The following CUBN variants were observed in gnomAD, a reference collection of about 807,000 sequenced individuals.
CUBN encodes cubilin.
A neutral mutation model predicts 405.3 loss-of-function variants in CUBN; 282 were observed. The observed-to-expected ratio is 0.70, with a 90% CI of 0.63 to 0.77. The LOEUF (loss-of-function observed/expected upper bound fraction) is 0.77. CUBN is among the 30% of genes least tolerant of loss of function. CUBN has a pLI of 0.00. For synonymous variants in CUBN, 1,684 were observed against 1,617.0 expected (o/e 1.04, Z -0.99); for missense variants, 4,514 against 4,475.2 (o/e 1.01, Z -0.25).
At chr10:16,862,354 C>A (rs1840045479) in intron 59 of CUBN, among the ~76,000 whole-genome samples, 1 of 152,104 alleles carries the variant, frequency 6.6e-6, no homozygotes, top group South Asian at 2.1e-4. Flanking sequence ...TTAAATTTTT[C>A]TTTCTTCCTT....
intron 19 of CUBN, among the ~76,000 whole-genome samples, chr10:17,070,458 T>C (rs758414409): frequency 2.4e-4 from 36 of 152,156 alleles, no homozygotes; most frequent in Non-Finnish European, 3.8e-4. Flanking sequence ...CTTTAGGGAG[T>C]ATTGCCATCT....
At chr10:16,844,008 T>C (rs111632634) in intron 60 of CUBN, among the ~76,000 whole-genome samples, 7,469 of 151,992 alleles carry the variant, frequency 0.049, 624 homozygotes, top group African/African-American at 0.17. Context: ...GGTGGCTCAT[T>C]CCTGTAATCC....
chr10:16,846,897 C>T (rs1038033396), intron 60 of CUBN, among the ~76,000 whole-genome samples: 9 of 151,934 alleles, frequency 5.9e-5, no homozygotes, highest in Non-Finnish European at 1.2e-4. Flanking sequence ...GGATGAGGAC[C>T]TCTCTCTGCT....
At chr10:16,933,306 C>A in intron 39 of CUBN, 22 bp from the exon 40 acceptor site, 2 of 1,608,932 alleles carry the variant, frequency 1.2e-6, no homozygotes, top group South Asian at 2.2e-5. Context: ...AAAGCAACAT[C>A]TTTGACACAG....
intron 28 of CUBN, among the ~76,000 whole-genome samples, chr10:17,008,235 T>TG (rs1483433549): frequency 5.0e-5 from 5 of 99,434 alleles, no homozygotes; most frequent in Non-Finnish European, 8.3e-5. Flanking sequence ...CCTGCCCGTG[T>TG]GTGGTGTGTG....
rs1838725048 is a variant in CUBN at position 16,824,796 on chromosome 10, AG to A, written c.*178del. On this transcript the variant is annotated 3_prime_UTR_variant, in exon 67 of 67. Coordinates refer to ENST00000377833, the MANE Select transcript of CUBN (RefSeq NM_001081.4). ...CGGCCTCCCAAAGTGCTGAGAATAC[AG>A]GGGGGTGAGCCACCACGCCTGGCCT... The A allele has an allele frequency of 1.3e-5, 8 of 610,306 alleles. No individual in the cohort carries two copies. Among genetic ancestry groups the A allele is most frequent in the African/African-American group, 5.4e-5 (3 of 55,058 alleles). The allele number at this position is 610,306 out of a possible 1,614,324, so 37.8% of individuals were successfully genotyped here.
intron 17 of CUBN, among the ~76,000 whole-genome samples, chr10:17,075,734 C>T (rs1484479583): frequency 6.6e-6 from 1 of 152,168 alleles, no homozygotes; most frequent in Non-Finnish European, 1.5e-5. Context: ...TAGTTCCTTT[C>T]TCTGAGCTCT....
chr10:16,942,338 T>C (rs758273563), intron 36 of CUBN, among the ~76,000 whole-genome samples: 1 of 152,062 alleles, frequency 6.6e-6, no homozygotes, highest in Non-Finnish European at 1.5e-5. Context: ...TAAAAACACA[T>C]GACCAAGGTA....
In CUBN at chr10:17,105,548, G is replaced by A. The variant is rs747836605; in HGVS notation, c.1139C>T (p.Pro380Leu). 16 of 1,608,888 alleles carry A rather than the reference G, an allele frequency of 9.9e-6. No homozygotes were observed. Among genetic ancestry groups the A allele is most frequent in the Admixed American group, 3.3e-5 (2 of 59,980 alleles). Residue 380 changes from proline to leucine, a missense_variant, in exon 11 of 67, where the codon CCG becomes CTG. Physicochemically the swap from Pro to Leu is moderately conservative, Grantham distance 98. Coordinates refer to ENST00000377833, the MANE Select transcript of CUBN (RefSeq NM_001081.4). The stretch of plus-strand genomic sequence containing the variant: ...CCCATAACCATTTCCAGTATAACCC[G>A]GGAGACACGTGCAGAGAGGTAAGGA... ...LGSLPLCTCLPGYTGNGYGPN... is the reference protein window; with the variant it reads ...LGSLPLCTCLLGYTGNGYGPN...
chr10:17,004,736 C>A (rs1378780907), intron 28 of CUBN, among the ~76,000 whole-genome samples: 3 of 150,378 alleles, frequency 2.0e-5, no homozygotes, highest in African/African-American at 4.9e-5. Flanking sequence ...GTGGTGCCAT[C>A]TTGGCTCACT....
At chr10:16,827,411 A>G (rs1488594681) in intron 66 of CUBN, among the ~76,000 whole-genome samples, 1 of 152,240 alleles carries the variant, frequency 6.6e-6, no homozygotes, top group Non-Finnish European at 1.5e-5. Context: ...GTTTTAGAAA[A>G]ATTAGCCTAT....
chr10:16,834,911 A>G, intron 64 of CUBN, 103 bp downstream of exon 64: 1 of 1,137,808 alleles, frequency 8.8e-7, no homozygotes, highest in Non-Finnish European at 1.3e-6. Flanking sequence ...TGAAACAAAT[A>G]AGAATCATAT....
chr10:17,115,905 G>C (rs577346939), intron 6 of CUBN, among the ~76,000 whole-genome samples: 1 of 152,286 alleles, frequency 6.6e-6, no homozygotes, highest in South Asian at 2.1e-4. Context: ...ATAAGCCAAA[G>C]GTAATGGAGT....
intron 23 of CUBN, among the ~76,000 whole-genome samples, chr10:17,046,881 T>C (rs1835147851): frequency 6.6e-6 from 1 of 152,154 alleles, no homozygotes; most frequent in Admixed American, 6.5e-5. Flanking sequence ...GCTAACTTAC[T>C]TTTACTGCAA....
chr10:16,962,074 G>A (rs2131647312), intron 31 of CUBN, among the ~76,000 whole-genome samples: 1 of 152,268 alleles, frequency 6.6e-6, no homozygotes, highest in East Asian at 1.9e-4. Flanking sequence ...GTATAGTAGG[G>A]GAGGTGTTAT....
intron 31 of CUBN, among the ~76,000 whole-genome samples, chr10:16,970,340 C>T (rs771284715): frequency 2.0e-5 from 3 of 152,162 alleles, no homozygotes; most frequent in Non-Finnish European, 2.9e-5. Flanking sequence ...AATCAGAGGC[C>T]GAGGCGGGTG....
intron 65 of CUBN, 147 bp downstream of exon 65, chr10:16,831,105 T>G (rs990648146): frequency 1.1e-5 from 8 of 746,700 alleles, no homozygotes; most frequent in Non-Finnish European, 1.8e-5. Flanking sequence ...AAAAGTAATC[T>G]GTACTTTCAA....
chr10:17,087,472 C>CTTTTTTTTTTTTTTTTTTT lies in CUBN; in HGVS notation c.1947+673_1947+691dup, dbSNP rs775573918. On this transcript the variant is annotated intron_variant, in intron 15 of 66. Transcript: ENST00000377833. Reference sequence around the variant, plus strand: ...CACAATCACTATTATTTTTCTTTTTCTTTTTTTTTTTTTTTTTTTTTTAGA... The same window carrying CTTTTTTTTTTTTTTTTTTT: ...CACAATCACTATTATTTTTCTTTTTCTTTTTTTTTTTTTTTTTTTTTTTTTTTTTTTTTTTTTTTTTAGA... Among the ~76,000 whole-genome samples, 53 of 71,710 alleles carry CTTTTTTTTTTTTTTTTTTT rather than the reference C, an allele frequency of 7.4e-4. 7 individuals carry two copies. Among genetic ancestry groups the CTTTTTTTTTTTTTTTTTTT allele is most frequent in the African/African-American group, 2.3e-3 (49 of 21,116 alleles). 47.0% of individuals were successfully genotyped at this position (71,710 alleles called of 152,430 possible).
rs1447629198 is a variant in CUBN at position 16,899,066 on chromosome 10, A to G, written c.8528T>C (p.Leu2843Ser). The change falls in exon 54 of 67, where the codon TTG (leucine) becomes TCG (serine). Residue 2843 changes from leucine (L) to serine (S), a missense_variant. Leu to Ser is a moderately radical substitution (Grantham distance 145). Around this residue, in one of 5 missense-constraint regions of CUBN, gnomAD observed 1,186 missense variants for 1,186.9 expected, o/e 1.00. Coordinates refer to ENST00000377833, the MANE Select transcript of CUBN (RefSeq NM_001081.4). ...GAAGTTGTTGTCAAAGCTGATCTCCAAGTGTTTACTTTTGTGAGTAATGGC... is the reference window on the plus strand; with the variant it reads ...GAAGTTGTTGTCAAAGCTGATCTCCGAGTGTTTACTTTTGTGAGTAATGGC... ...WTAITHKSKH[L>S]EISFDNNFLI... The G allele has an allele frequency of 6.2e-7, 1 of 1,613,750 alleles. No homozygotes were observed. The highest frequency in any genetic ancestry group is 1.7e-5 in the Admixed American group (1 of 60,032).
Sources: allele counts gnomAD v4.1 joint callset (sites outside exome capture counted in the v4.1 genomes callset), GRCh38; gene constraint gnomAD v4.1.1; regional missense constraint gnomAD v4.1.1; transcripts MANE v1.5; gene names NCBI Gene and HGNC (gene_info 2026-07-23, HGNC 2026-07-21).